The following CROCC variants were observed in gnomAD, a reference collection of about 807,000 sequenced individuals.
CROCC encodes rootletin.
Under a neutral mutation model 245.2 loss-of-function variants are expected in CROCC, and 180 were observed. That is an observed-to-expected ratio of 0.73 (90% CI 0.65 to 0.83). CROCC has a LOEUF of 0.83. Among genes scored for constraint, CROCC ranks in the 40% least tolerant of loss-of-function variants. The pLI is 0.00. For missense variants in CROCC, 2,688 were observed against 2,779.4 expected, an observed-to-expected ratio of 0.97 and a Z score of 0.74; for synonymous variants, 1,205 against 1,241.6, an observed-to-expected ratio of 0.97 and a Z score of 0.62.
At chr1:16,955,218 G>A (rs1292939423) in intron 23 of CROCC, 94 bp from the exon 24 acceptor site, 3 of 1,224,994 alleles carry the variant, frequency 2.4e-6, no homozygotes, top group South Asian at 1.3e-5. Context: ...GAGGGATGGG[G>A]CAGGCTCCCT....
At position 16,955,514 on chromosome 1, in the gene CROCC, G is replaced by A. The variant is rs368610396; in HGVS notation, c.3668G>A (p.Arg1223Gln). 2.9e-5 allele frequency: 46 copies of A among 1,570,466 alleles called. No individual in the cohort carries two copies. The highest frequency in any genetic ancestry group is 6.7e-5 in the African/African-American group (5 of 74,220). The change falls in exon 24 of 37, where the codon CGG becomes CAG. Residue 1223 changes from arginine to glutamine, a missense_variant. Coordinates refer to ENST00000375541, the MANE Select transcript of CROCC (RefSeq NM_014675.5). ...EALRRSNEEL[R>Q]SAVKKAESER... ...CTGCGGCGTTCCAATGAGGAGCTTC[G>A]GTCTGCTGTGAAGAAGGCAGAGAGC...
intron 27 of CROCC, 30 bp downstream of exon 27, chr1:16,961,160 G>T: frequency 7.7e-7 from 1 of 1,293,574 alleles, no homozygotes; most frequent in Non-Finnish European, 9.8e-7. Context: ...CAGGGAAGGG[G>T]GGAGGTGGGC....
intron 20 of CROCC, chr1:16,952,966 T>TGTC (rs1051912738): frequency 2.0e-5 from 5 of 245,814 alleles, no homozygotes; most frequent in African/African-American, 1.1e-4. Context: ...TGACTCACCA[T>TGTC]GTCCCGTTCC....
At position 16,930,097 on chromosome 1, in the gene CROCC, G is replaced by A. The variant is rs116462658; in HGVS notation, c.538-27G>A. ...CACTTTGCCCCGCCCCAACCCCTGG[G>A]GCTCACCATCAGCTCCCCATCCCCA... On this transcript the variant is annotated intron_variant, in intron 4 of 36. Coordinates refer to ENST00000375541, the MANE Select transcript of CROCC (RefSeq NM_014675.5). 2.7e-3 allele frequency: 4,310 copies of A among 1,578,814 alleles called. 56 individuals carry two copies. In the African/African-American group the frequency reaches 0.05, roughly 18 times the overall value.
intron 19 of CROCC, 87 bp from the exon 20 acceptor site, chr1:16,950,866 G>A: frequency 4.2e-6 from 5 of 1,192,360 alleles, no homozygotes; most frequent in Non-Finnish European, 5.7e-6. Context: ...CTGGGATTTT[G>A]CCCATGTGGC....
rs2076194444 is a variant in CROCC, at chr1:16,953,322, G to A, written c.3027G>A (p.Leu1009=). 3.1e-6 allele frequency: 5 copies of A among 1,593,078 alleles called. No homozygotes were observed. The South Asian group carries it at 4.5e-5, about 14-fold the overall frequency. ...QREKEAAWRE[L]EAERAQLQSQ... ...CCTAGGAGGCAGCATGGCGGGAGCT[G>A]GAGGCCGAGCGGGCCCAGCTGCAGA... Residue 1009 remains leucine (L), a synonymous_variant, in exon 21 of 37, where the codon CTG becomes CTA. Coordinates refer to ENST00000375541, the MANE Select transcript of CROCC (RefSeq NM_014675.5).
At chr1:16,946,171 G>A (rs2076040680) in intron 15 of CROCC, 88 bp from the exon 16 acceptor site, 4 of 1,420,708 alleles carry the variant, frequency 2.8e-6, no homozygotes, top group Non-Finnish European at 2.9e-6. Context: ...TGTCTCTGAG[G>A]GTCCATCTCT....
intron 13 of CROCC, 69 bp downstream of exon 13, chr1:16,940,162 C>G (rs2075896998): frequency 2.0e-6 from 3 of 1,488,612 alleles, no homozygotes; most frequent in Admixed American, 2.0e-5. Flanking sequence ...ACCAGTCAAG[C>G]CTTATGCGTA....
chr1:16,939,655 G>A (rs1469429622), intron 12 of CROCC, among the ~76,000 whole-genome samples: 3 of 152,224 alleles, frequency 2.0e-5, no homozygotes, highest in Admixed American at 2.0e-4. Context: ...GCATCCGGGG[G>A]GCTTTGATAG....
At position 16,924,420 on chromosome 1, in the gene CROCC, G is replaced by T; in HGVS notation, c.292G>T (p.Ala98Ser). 3.1e-6 allele frequency: 5 copies of T among 1,613,330 alleles called. No homozygotes were observed. Among genetic ancestry groups the T allele is most frequent in the Non-Finnish European group, 4.2e-6 (5 of 1,179,914 alleles). The change falls in exon 3 of 37, where the codon GCC becomes TCC. Residue 98 changes from alanine (A) to serine (S), a missense_variant. Ala to Ser is a moderately conservative substitution (Grantham distance 99, BLOSUM62 1). Around this residue, in one of 9 missense-constraint regions of CROCC, gnomAD observed 972 missense variants for 895.3 expected, o/e 1.09. Coordinates refer to ENST00000375541, the MANE Select transcript of CROCC (RefSeq NM_014675.5). ...GCTGTCCCGCGTGGAGGACCTGCTG[G>T]CCCAGAGCCGTGCCGAGCGCGATGA... ...QELSRVEDLL[A>S]QSRAERDELA...
Position 16,932,204 on chromosome 1 carries a change from G to A in CROCC, c.956+807G>A, listed in dbSNP as rs573888531. On this transcript the variant is annotated intron_variant, in intron 8 of 36. Transcript: ENST00000375541. ...CACGCCTGTAATCCCAGCACTTGAG[G>A]AGGCCGAGGCGGGTGGATCACCTGA... Among the ~76,000 whole-genome samples the A allele has an allele frequency of 2.3e-3, 346 of 152,314 alleles. No individual in the cohort carries two copies. In the South Asian group the frequency reaches 0.029, roughly 13 times the overall value.
intron 1 of CROCC, among the ~76,000 whole-genome samples, chr1:16,916,706 T>G (rs2075308945): frequency 6.6e-6 from 1 of 152,252 alleles, no homozygotes; most frequent in African/African-American, 2.4e-5. Flanking sequence ...AGAGATGGAG[T>G]CTCACTGTGT....
chr1:16,930,137 A>G lies in CROCC; in HGVS notation c.551A>G (p.Lys184Arg), dbSNP rs754936246. 3 of 1,594,388 alleles carry G rather than the reference A, an allele frequency of 1.9e-6. No homozygotes were observed. The highest frequency in any genetic ancestry group is 2.7e-5 in the African/African-American group (2 of 74,554). The change falls in exon 5 of 37, where the codon AAG (lysine) becomes AGG (arginine). Residue 184 changes from lysine (K) to arginine (R), a missense_variant. This residue lies in a region of CROCC where 972 missense variants were observed against 895.3 expected (regional missense o/e 1.09). Transcript: ENST00000375541. ...QRLQGKILQYKKRCSELEQQL... is the reference protein window; with the variant it reads ...QRLQGKILQYRKRCSELEQQL... ...CCCCATCCCCAGATTCTCCAGTACA[A>G]GAAGAGGTGCTCGGAGCTGGAGCAG...
chr1:16,932,124 C>A (rs2075691188), intron 8 of CROCC, among the ~76,000 whole-genome samples: 1 of 152,240 alleles, frequency 6.6e-6, no homozygotes, highest in South Asian at 2.1e-4. Flanking sequence ...GACCTCACAG[C>A]CTCTTGTGAT....
chr1:16,963,323 G>A (rs2076364239), intron 27 of CROCC, among the ~76,000 whole-genome samples: 3 of 152,118 alleles, frequency 2.0e-5, no homozygotes, highest in South Asian at 2.1e-4. Context: ...GACTCGGGGC[G>A]AGTAGGGAGG....
chr1:16,936,620 T>G lies in CROCC; in HGVS notation c.957-17T>G, dbSNP rs545918569. 7.1e-5 allele frequency: 112 copies of G among 1,567,578 alleles called. 1 individual carries two copies. In the South Asian group the frequency reaches 1.3e-3, roughly 18 times the overall value. On this transcript the variant is annotated splice_polypyrimidine_tract_variant and intron_variant, in intron 8 of 36. Coordinates refer to ENST00000375541, the MANE Select transcript of CROCC (RefSeq NM_014675.5). ...GAGCAAGCCCCATCCATCCCCAGCC[T>G]GTGCTCTCTCCCGAAGGGACCTGCT...
intron 26 of CROCC, 71 bp downstream of exon 26, chr1:16,958,821 C>T: frequency 6.7e-7 from 1 of 1,497,686 alleles, no homozygotes; most frequent in African/African-American, 1.4e-5. Context: ...CACCCCAATG[C>T]TGGGGCCATT....
intron 19 of CROCC, among the ~76,000 whole-genome samples, chr1:16,950,647 G>C (rs2076143579): frequency 6.6e-6 from 1 of 152,260 alleles, no homozygotes; most frequent in Non-Finnish European, 1.5e-5. Flanking sequence ...CGTGAGCCAA[G>C]GCACCTGACC....
chr1:16,940,677 C>G (rs193119434), intron 13 of CROCC: 1 of 224,908 alleles, frequency 4.4e-6, no homozygotes, highest in South Asian at 4.9e-5. Context: ...CATGAGCCAC[C>G]GCGCCCGGCC....
Sources: allele counts gnomAD v4.1 joint callset (sites outside exome capture counted in the v4.1 genomes callset), GRCh38; gene constraint gnomAD v4.1.1; regional missense constraint gnomAD v4.1.1; transcripts MANE v1.5; gene names NCBI Gene and HGNC (gene_info 2026-07-23, HGNC 2026-07-21).